The following IPO11 variants were observed in gnomAD, a reference collection of about 807,000 sequenced individuals.
IPO11 encodes importin 11.
A neutral mutation model predicts 143.2 loss-of-function variants in IPO11; 66 were observed. The ratio of observed to expected loss-of-function variants is 0.46; its 90% CI spans 0.38 to 0.57. The LOEUF (loss-of-function observed/expected upper bound fraction) is 0.57, where lower values mean the gene tolerates loss of function less well. Among genes scored for constraint, IPO11 ranks in the 20% least tolerant of loss-of-function variants. The pLI is 0.00. For missense variants in IPO11, 1,026 were observed against 1,141.0 expected, an observed-to-expected ratio of 0.90 and a Z score of 1.45; for synonymous variants, 385 against 377.8, an observed-to-expected ratio of 1.02 and a Z score of -0.22.
At chr5:62,572,766 A>G (rs1000736296) in intron 27 of IPO11, among the ~76,000 whole-genome samples, 3 of 151,790 alleles carry the variant, frequency 2.0e-5, no homozygotes, top group African/African-American at 7.3e-5. Context: ...TGTTTTTAGT[A>G]GAGATGGGAT....
chr5:62,497,941 C>G (rs1391748892), intron 16 of IPO11, among the ~76,000 whole-genome samples: 1 of 152,066 alleles, frequency 6.6e-6, no homozygotes, highest in Non-Finnish European at 1.5e-5. Flanking sequence ...TCTGTCATAT[C>G]CCATGTTTAC....
intron 15 of IPO11, among the ~76,000 whole-genome samples, chr5:62,493,619 T>C (rs1741024594): frequency 6.6e-6 from 1 of 151,422 alleles, no homozygotes; most frequent in Non-Finnish European, 1.5e-5. Context: ...TAGGCTGGAG[T>C]GCAGTGGCAC....
intron 19 of IPO11, among the ~76,000 whole-genome samples, chr5:62,514,248 A>C (rs545579009): frequency 1.2e-4 from 18 of 152,132 alleles, no homozygotes; most frequent in African/African-American, 4.3e-4. Flanking sequence ...GGCGGCTGGG[A>C]GGTGGAGGCC....
At chr5:62,469,174 C>G (rs947064356) in intron 6 of IPO11, among the ~76,000 whole-genome samples, 2 of 152,164 alleles carry the variant, frequency 1.3e-5, no homozygotes, top group African/African-American at 4.8e-5. Flanking sequence ...AAAGGATCCT[C>G]TCAGGTATTG....
chr5:62,487,620 T>C (rs1009762191), intron 12 of IPO11, 151 bp from the exon 13 acceptor site: 92 of 755,052 alleles, frequency 1.2e-4, no homozygotes, highest in Non-Finnish European at 3.0e-5. Flanking sequence ...TATAAAAAAA[T>C]GGTAACCTTA....
At position 62,528,876 on chromosome 5, in the gene IPO11, A is replaced by G. The variant is rs1188234956; in HGVS notation, c.2013-1833A>G. Among the ~76,000 whole-genome samples, 3 of 152,142 alleles carry G rather than the reference A, an allele frequency of 2.0e-5. No individual in the cohort carries two copies. The East Asian group carries it at 5.8e-4, about 29-fold the overall frequency. On this transcript the variant is annotated intron_variant, in intron 21 of 29. Coordinates refer to ENST00000325324, the MANE Select transcript of IPO11 (RefSeq NM_016338.5). The stretch of plus-strand genomic sequence containing the variant: ...CCAGTTGATGCTTGGGGTCACGAAT[A>G]TGGAGTGAAACTTTCAGACTGATTA...
intron 5 of IPO11, among the ~76,000 whole-genome samples, chr5:62,453,361 A>G (rs1426499512): frequency 6.6e-6 from 1 of 150,908 alleles, no homozygotes. Context: ...TTCATTCTTA[A>G]AGAAAGAGAT....
At chr5:62,449,526 T>TA (rs529658110) in intron 3 of IPO11, among the ~76,000 whole-genome samples, 284 of 152,120 alleles carry the variant, frequency 1.9e-3, no homozygotes, top group African/African-American at 6.5e-3. Context: ...GTTTTTTTTT[T>TA]TCGTAGGCAA....
At chr5:62,552,497 A>C (rs541195528) in intron 26 of IPO11, among the ~76,000 whole-genome samples, 1 of 148,834 alleles carries the variant, frequency 6.7e-6, no homozygotes, top group Admixed American at 6.7e-5. Flanking sequence ...TTTAAAGTAG[A>C]GATGAGGTCT....
rs574715128 is a variant in IPO11 at position 62,461,041 on chromosome 5, G to A, written c.517-6090G>A. Among the ~76,000 whole-genome samples, 18 of 152,180 alleles carry A rather than the reference G, an allele frequency of 1.2e-4. No homozygotes were observed. In the South Asian group the frequency reaches 3.5e-3, roughly 30 times the overall value. Reference sequence around the variant, plus strand: ...CTTTATCTCTCTCCCTGCTTTTACTGAAAGGTAAAGGGCTGAAAGGTGTTA... The same window carrying A: ...CTTTATCTCTCTCCCTGCTTTTACTAAAAGGTAAAGGGCTGAAAGGTGTTA... On this transcript the variant is annotated intron_variant, in intron 5 of 29. Transcript: ENST00000325324.
chr5:62,593,092 A>T (rs1745090747), intron 28 of IPO11, among the ~76,000 whole-genome samples: 2 of 152,226 alleles, frequency 1.3e-5, no homozygotes, highest in South Asian at 2.1e-4. Flanking sequence ...CAGTTAAAAC[A>T]CTAGTGATGA....
chr5:62,568,374 T>C (rs1744026442), intron 27 of IPO11, among the ~76,000 whole-genome samples: 1 of 151,292 alleles, frequency 6.6e-6, no homozygotes, highest in African/African-American at 2.4e-5. Flanking sequence ...CCATTGTAGT[T>C]TTCAACTCTA....
In IPO11 at chr5:62,467,195, A is replaced by G; in HGVS notation, c.581A>G (p.Gln194Arg). 2 of 1,613,720 alleles carry G rather than the reference A, an allele frequency of 1.2e-6. No individual in the cohort carries two copies. The highest frequency in any genetic ancestry group is 8.5e-7 in the Non-Finnish European group (1 of 1,179,666). The change falls in exon 6 of 30, where the codon CAA (glutamine) becomes CGA (arginine). Residue 194 changes from glutamine (Q) to arginine (R), a missense_variant. Transcript: ENST00000325324. Reference sequence around the variant, plus strand: ...AATCACCACACAGACACATTCCTGCAAGAAGTTTCTTCTGGCAATGAAGCT... The same window carrying G: ...AATCACCACACAGACACATTCCTGCGAGAAGTTTCTTCTGGCAATGAAGCT... Reference protein sequence around the residue: ...LWNHHTDTFLQEVSSGNEAAI... With the variant: ...LWNHHTDTFLREVSSGNEAAI...
intron 29 of IPO11, among the ~76,000 whole-genome samples, chr5:62,608,842 C>A (rs1185657889): frequency 6.6e-6 from 1 of 152,150 alleles, no homozygotes; most frequent in Non-Finnish European, 1.5e-5. Flanking sequence ...AAATGTATAA[C>A]GATGTGTATC....
In IPO11 at chr5:62,437,417, G is replaced by A; in HGVS notation, c.138G>A (p.Leu46=). The part of the protein sequence containing the change: ...ETQPGFYSVL[L]NIFTNHTLDI... ...AGCCAGGTTTCTATTCAGTGTTGCTGGTAAGTTGTTCTAAAATTGTTTGCT... is the reference window on the plus strand; with the variant it reads ...AGCCAGGTTTCTATTCAGTGTTGCTAGTAAGTTGTTCTAAAATTGTTTGCT... The change falls in exon 2 of 30, where the codon CTG becomes CTA. Residue 46 remains leucine (L), a splice_region_variant and synonymous_variant. Transcript: ENST00000325324. 6.3e-7 allele frequency: 1 copy of A among 1,595,346 alleles called. No homozygotes were observed. Among genetic ancestry groups the A allele is most frequent in the Non-Finnish European group, 8.5e-7 (1 of 1,173,482 alleles).
At chr5:62,492,524 A>C (rs1746656767) in intron 15 of IPO11, among the ~76,000 whole-genome samples, 1 of 151,766 alleles carries the variant, frequency 6.6e-6, no homozygotes, top group Admixed American at 6.6e-5. Context: ...ATACTTACAT[A>C]CTTTTTTTTG....
intron 22 of IPO11, among the ~76,000 whole-genome samples, chr5:62,535,151 G>A (rs7722692): frequency 0.58 from 88,513 of 151,498 alleles, 26,121 homozygotes; most frequent in South Asian, 0.68. Context: ...TGTATAGAAC[G>A]ATCCAGGAAT....
Position 62,461,790 on chromosome 5 carries a change from T to C in IPO11, c.517-5341T>C, listed in dbSNP as rs576712049. 9.8e-5 allele frequency among the ~76,000 whole-genome samples: 15 copies of C among 152,364 alleles called. No homozygotes were observed. The South Asian group carries it at 3.1e-3, about 32-fold the overall frequency. ...CCTTAAAGTACAGGTTAAGTACTTC[T>C]TATCTGCAATGCTTGGGAACAGAAA... On this transcript the variant is annotated intron_variant, in intron 5 of 29. Transcript: ENST00000325324.
chr5:62,613,433 GCAGGGAC>G (rs1746005158), intron 29 of IPO11, among the ~76,000 whole-genome samples: 1 of 149,912 alleles, frequency 6.7e-6, no homozygotes, highest in East Asian at 2.0e-4. Flanking sequence ...CCTCCAAGTA[GCAGGGAC>G]TACAGGTGCA....
Sources: gnomAD v4.1 joint callset for allele counts (sites outside exome capture counted in the v4.1 genomes callset) on GRCh38, gnomAD v4.1.1 for gene constraint, MANE v1.5 for transcripts, NCBI Gene and HGNC (gene_info 2026-07-23, HGNC 2026-07-21) for gene names.